ATP12A: variants seen among roughly 807,000 people sequenced by gnomAD.
ATP12A encodes the protein ATPase H+/K+ transporting non-gastric alpha2 subunit.
In ATP12A, 81 loss-of-function variants were observed where a neutral mutation model predicts 111.2. That is an observed-to-expected ratio of 0.73 (90% confidence interval 0.61 to 0.88). The LOEUF (loss-of-function observed/expected upper bound fraction) is 0.88. Ranked by LOEUF, ATP12A falls within the 40% of genes least tolerant of loss-of-function variation. ATP12A has a pLI of 0.00. For missense variants in ATP12A, 1,196 were observed against 1,313.1 expected, an observed-to-expected ratio of 0.91 and a Z score of 1.38; for synonymous variants, 498 against 499.8, an observed-to-expected ratio of 1.00 and a Z score of 0.05.
Position 24,710,471 on chromosome 13 carries a change from G to A in ATP12A, c.2775G>A (p.Gln925=). The part of the protein sequence containing the change: ...DSYGQEWTRY[Q]REYLEWTGYT... ...CTGCCCATTAACAGACAAGGTACCA[G>A]AGGGAATACCTAGAATGGACGGGCT... The change falls in exon 20 of 23, where the codon CAG becomes CAA. Residue 925 remains glutamine, a synonymous_variant. Coordinates refer to ENST00000381946, the MANE Select transcript of ATP12A (RefSeq NM_001676.7). 6.2e-7 allele frequency: 1 copy of A among 1,614,166 alleles called. No individual in the cohort carries two copies. The highest frequency in any genetic ancestry group is 1.6e-4 in the Middle Eastern group (1 of 6,062).
intron 15 of ATP12A, among the ~76,000 whole-genome samples, chr13:24,706,807 G>A (rs942209443): frequency 6.6e-5 from 10 of 152,194 alleles, no homozygotes; most frequent in African/African-American, 1.2e-4. Flanking sequence ...AGACACCTGC[G>A]CATTAGGTTT....
chr13:24,708,950 A>AAAGGAAGGAAGGAAGG (rs1555255702), intron 17 of ATP12A, among the ~76,000 whole-genome samples: 1 of 131,498 alleles, frequency 7.6e-6, no homozygotes, highest in South Asian at 2.3e-4. Flanking sequence ...AGAAAGAAAG[A>AAAGGAAGGAAGGAAGG]AAGAAAGAAA....
rs1044595409 is a variant in ATP12A, at chr13:24,700,991, A to C, written c.1881+69A>C. 53 of 1,539,326 alleles carry C rather than the reference A, an allele frequency of 3.4e-5. No homozygotes were observed. In the Admixed American group the frequency reaches 6.2e-4, roughly 18 times the overall value. On this transcript the variant is annotated intron_variant, in intron 13 of 22. Transcript: ENST00000381946. ...GTGTTCCTTTCTAATAATGGTTTTC[A>C]TAGCAGATGGTCAGTATTTAGGTGT...
rs1232499003 is a variant in ATP12A, at chr13:24,680,566, C to A, written c.-178C>A. The stretch of plus-strand genomic sequence containing the variant: ...GGCTGGTGCCACCTCCCCGGTGCAG[C>A]GGCTGGCGATCGGCCGCGGAGGTGC... On this transcript the variant is annotated 5_prime_UTR_variant, in exon 1 of 23. Transcript: ENST00000381946. 23 of 610,658 alleles carry A rather than the reference C, an allele frequency of 3.8e-5. No homozygotes were observed. In the South Asian group the frequency reaches 5.3e-4, roughly 14 times the overall value. The allele number at this position is 610,658 out of a possible 1,614,324, so 37.8% of individuals were successfully genotyped here.
Position 24,685,710 on chromosome 13 carries a change from G to A in ATP12A, c.228+337G>A, listed in dbSNP as rs1874641377. On this transcript the variant is annotated intron_variant, in intron 3 of 22. Transcript: ENST00000381946. The surrounding 1 kb of genome is among the most constrained non-coding windows in gnomAD (Gnocchi z 5.5). ...TGGGATGGCTACAAGAAGTAGAAAC[G>A]CTATGCTGGGACAAAGGTGGATTCT... Among the ~76,000 whole-genome samples the A allele has an allele frequency of 6.6e-6, 1 of 152,184 alleles. No individual in the cohort carries two copies. The highest frequency in any genetic ancestry group is 2.4e-5 in the African/African-American group (1 of 41,446).
intron 1 of ATP12A, among the ~76,000 whole-genome samples, chr13:24,681,140 T>C (rs945093426): frequency 6.6e-6 from 1 of 151,814 alleles, no homozygotes; most frequent in Admixed American, 6.6e-5. Flanking sequence ...AGTGGGTGCC[T>C]CCTCCCCAAG....
intron 5 of ATP12A, among the ~76,000 whole-genome samples, chr13:24,690,090 T>C (rs1874814846): frequency 1.3e-5 from 2 of 152,020 alleles, no homozygotes; most frequent in African/African-American, 4.8e-5. Context: ...AAAAAGTAGT[T>C]CTTAGAGTCT....
intron 17 of ATP12A, 70 bp downstream of exon 17, chr13:24,707,503 T>A: frequency 6.3e-7 from 1 of 1,588,470 alleles, no homozygotes; most frequent in Non-Finnish European, 8.6e-7. Flanking sequence ...GTCGCTACCT[T>A]CAAGGGCCGG....
rs62648239 is a variant in ATP12A at position 24,682,166 on chromosome 13, G to T, written c.168+446G>T. Among the ~76,000 whole-genome samples the T allele has an allele frequency of 3.1e-3, 348 of 113,270 alleles. 5 individuals are homozygous for T. Among genetic ancestry groups the T allele is most frequent in the African/African-American group, 0.015 (335 of 22,500 alleles). 74.3% of individuals were successfully genotyped at this position (113,270 alleles called of 152,430 possible). The stretch of plus-strand genomic sequence containing the variant: ...TGTGTGTGGTGTGTGTGTGGTGTGT[G>T]TATGTGTGTGGTGTGTGTATGTGTG... On this transcript the variant is annotated intron_variant, in intron 2 of 22. Coordinates refer to ENST00000381946, the MANE Select transcript of ATP12A (RefSeq NM_001676.7).
At chr13:24,690,909 A>T in intron 7 of ATP12A, 73 bp from the exon 8 acceptor site, 1 of 1,576,236 alleles carries the variant, frequency 6.3e-7, no homozygotes, top group Non-Finnish European at 8.7e-7. Context: ...CAGCCCCCAG[A>T]GAGGGCTGCA....
chr13:24,687,275 A>G (rs934633221), intron 3 of ATP12A, among the ~76,000 whole-genome samples: 6 of 152,178 alleles, frequency 3.9e-5, no homozygotes, highest in African/African-American at 1.2e-4. Flanking sequence ...AGCCTGGCCA[A>G]CGTGGTGAAA....
In ATP12A at chr13:24,711,827, TC is replaced by T. The variant is rs538995114; in HGVS notation, c.*306del. On this transcript the variant is annotated 3_prime_UTR_variant, in exon 23 of 23. Coordinates refer to ENST00000381946, the MANE Select transcript of ATP12A (RefSeq NM_001676.7). ...ATTTGAAACTCCTTGATGTTAATAG[TC>T]TTGTGTAACCCAGGCATCTACTGGG... is the stretch of plus-strand genomic sequence containing the variant. The T allele has an allele frequency of 7.9e-4, 348 of 439,490 alleles. 1 individual carries two copies. The highest frequency in any genetic ancestry group is 1.3e-3 in the Non-Finnish European group (315 of 239,850). 27.2% of individuals were successfully genotyped at this position (439,490 alleles called of 1,614,324 possible).
In ATP12A at chr13:24,688,535, G is replaced by C; in HGVS notation, c.432+13G>C. The C allele has an allele frequency of 6.6e-7, 1 of 1,518,922 alleles. No individual in the cohort carries two copies. Among genetic ancestry groups the C allele is most frequent in the South Asian group, 1.4e-5 (1 of 73,074 alleles). 94.1% of individuals were successfully genotyped at this position (1,518,922 alleles called of 1,614,324 possible). A position where few individuals can be genotyped will look rare whatever the true frequency, so the allele number is the denominator to read the frequency against. On this transcript the variant is annotated intron_variant, in intron 4 of 22. Coordinates refer to ENST00000381946, the MANE Select transcript of ATP12A (RefSeq NM_001676.7). ...ATCCCTGAACAACGTAAGGCTCTGG[G>C]GTGTCCCCTCCTGGTTTTGCTGGCA...
chr13:24,688,450 G>T lies in ATP12A; in HGVS notation c.360G>T (p.Trp120Cys). ...QMVGGFSILL[W>C]VGAFLCWIAY... is the part of the protein sequence containing the mutation. ...TGGGGGGGTTCTCTATCCTCCTGTG[G>T]GTGGGCGCCTTTCTCTGTTGGATTG... The change falls in exon 4 of 23, where the codon TGG becomes TGT. Residue 120 changes from tryptophan (W) to cysteine (C), a missense_variant. This residue lies in a region of ATP12A where 1,126 missense variants were observed against 1,228.5 expected (regional missense o/e 0.92). Coordinates refer to ENST00000381946, the MANE Select transcript of ATP12A (RefSeq NM_001676.7). The T allele has an allele frequency of 6.2e-7, 1 of 1,613,938 alleles. No homozygotes were observed. The highest frequency in any genetic ancestry group is 1.7e-5 in the Admixed American group (1 of 59,972).
chr13:24,694,369 G>C (rs910854413), intron 10 of ATP12A, 75 bp from the exon 11 acceptor site: 1 of 1,576,764 alleles, frequency 6.3e-7, no homozygotes, highest in African/African-American at 1.4e-5. Context: ...AGGAGGGTGT[G>C]TTTTGGGTCC....
At position 24,685,462 on chromosome 13, in the gene ATP12A, T is replaced by C; in HGVS notation, c.228+89T>C. 7.2e-7 allele frequency: 1 copy of C among 1,383,504 alleles called. No individual in the cohort carries two copies. Among genetic ancestry groups the C allele is most frequent in the Non-Finnish European group, 1.0e-6 (1 of 972,896 alleles). 85.7% of individuals were successfully genotyped at this position (1,383,504 alleles called of 1,614,324 possible). A position where few individuals can be genotyped will look rare whatever the true frequency, so the allele number is the denominator to read the frequency against. On this transcript the variant is annotated intron_variant, in intron 3 of 22. Transcript: ENST00000381946. This position sits in a 1 kb window ranked among gnomAD's most constrained non-coding sequence, Gnocchi z 5.5. Reference sequence around the variant, plus strand: ...TGTGGCGGGGGGCTGTGTGGAAGAGTAGCGGCACCTTTAGGAGGAGGGGCC... The same window carrying C: ...TGTGGCGGGGGGCTGTGTGGAAGAGCAGCGGCACCTTTAGGAGGAGGGGCC...
chr13:24,696,636 C>T (rs1389891691), intron 11 of ATP12A, among the ~76,000 whole-genome samples: 3 of 106,756 alleles, frequency 2.8e-5, no homozygotes, highest in South Asian at 7.9e-4. Context: ...GGCGTGAACC[C>T]GGGAAGCGGA....
chr13:24,709,499 G>A lies in ATP12A; in HGVS notation c.2617+12G>A. The A allele has an allele frequency of 1.2e-6, 2 of 1,611,728 alleles. No homozygotes were observed. Among genetic ancestry groups the A allele is most frequent in the Non-Finnish European group, 8.5e-7 (1 of 1,178,156 alleles). On this transcript the variant is annotated intron_variant, in intron 18 of 22. Coordinates refer to ENST00000381946, the MANE Select transcript of ATP12A (RefSeq NM_001676.7). ...ATACCTGCACATTGGTACGATGAGGGCGCGTCTTCCCCATCACACGAGGGC... is the reference window on the plus strand; with the variant it reads ...ATACCTGCACATTGGTACGATGAGGACGCGTCTTCCCCATCACACGAGGGC...
At chr13:24,680,897 C>A in intron 1 of ATP12A, 145 bp downstream of exon 1, 1 of 1,310,572 alleles carries the variant, frequency 7.6e-7, no homozygotes, top group South Asian at 1.8e-5. Flanking sequence ...TTCCTCTGAG[C>A]GCCCCCCGGC....
Sources: allele counts gnomAD v4.1 joint callset (sites outside exome capture counted in the v4.1 genomes callset), GRCh38; gene constraint gnomAD v4.1.1; regional missense constraint gnomAD v4.1.1; non-coding constraint Gnocchi (gnomAD v3.1); transcripts MANE v1.5; gene names NCBI Gene and HGNC (gene_info 2026-07-23, HGNC 2026-07-21).